The following ALG6 variants were observed in gnomAD, a reference collection of about 807,000 sequenced individuals.
The protein encoded by ALG6 is dolichyl pyrophosphate Man9GlcNAc2 alpha-1,3-glucosyltransferase.
In ALG6, 46 loss-of-function variants were observed where a neutral mutation model predicts 66.6. That is an observed-to-expected ratio of 0.69 (90% CI 0.55 to 0.88). ALG6 has a LOEUF of 0.88. ALG6 is among the 40% of genes least tolerant of loss of function. ALG6 has a pLI of 0.00. For synonymous variants in ALG6, 185 were observed against 203.7 expected (o/e 0.91, Z 0.78); for missense variants, 505 against 586.8 (o/e 0.86, Z 1.44).
At chr1:63,380,932 T>C (rs902141112) in intron 2 of ALG6, among the ~76,000 whole-genome samples, 6 of 152,232 alleles carry the variant, frequency 3.9e-5, no homozygotes, top group Non-Finnish European at 7.3e-5. Flanking sequence ...AATATTGTTA[T>C]TGCACATTAG....
At chr1:63,379,239 T>G (rs1337728266) in intron 2 of ALG6, among the ~76,000 whole-genome samples, 1 of 152,214 alleles carries the variant, frequency 6.6e-6, no homozygotes, top group East Asian at 1.9e-4. Flanking sequence ...ACATAGGGTT[T>G]ATGTTGCTTC....
intron 2 of ALG6, among the ~76,000 whole-genome samples, chr1:63,380,642 A>G (rs1202117469): frequency 6.6e-6 from 1 of 152,222 alleles, no homozygotes; most frequent in Admixed American, 6.5e-5. Flanking sequence ...AGGATAAAAT[A>G]CTACAAATTT....
chr1:63,411,657 T>C (rs1264441316), intron 8 of ALG6, among the ~76,000 whole-genome samples: 1 of 152,220 alleles, frequency 6.6e-6, no homozygotes, highest in Non-Finnish European at 1.5e-5. Context: ...TTTTTCTTCA[T>C]GAATGCACTC....
intron 10 of ALG6, 37 bp from the exon 11 acceptor site, chr1:63,415,836 A>G: frequency 7.1e-7 from 1 of 1,413,602 alleles, no homozygotes; most frequent in Non-Finnish European, 1.0e-6. Context: ...ATACCTCTAC[A>G]AAGAAGACAA....
intron 2 of ALG6, among the ~76,000 whole-genome samples, chr1:63,371,805 A>C: frequency 6.6e-6 from 1 of 152,066 alleles, no homozygotes; most frequent in East Asian, 1.9e-4. Flanking sequence ...GGGTTTCACC[A>C]TGCTGGCCAG....
intron 12 of ALG6, among the ~76,000 whole-genome samples, chr1:63,424,033 C>T (rs1483343781): frequency 2.0e-5 from 3 of 152,168 alleles, no homozygotes; most frequent in African/African-American, 2.4e-5. Flanking sequence ...GGTATCTCAT[C>T]GTGATTCTGA....
At chr1:63,383,480 A>G (rs1246598533) in intron 2 of ALG6, among the ~76,000 whole-genome samples, 4 of 152,016 alleles carry the variant, frequency 2.6e-5, no homozygotes, top group Admixed American at 2.6e-4. Context: ...CAGTGGTGCC[A>G]TCATGGTTCA....
At chr1:63,385,139 T>C (rs1648457167) in intron 2 of ALG6, among the ~76,000 whole-genome samples, 2 of 151,216 alleles carry the variant, frequency 1.3e-5, no homozygotes, top group South Asian at 4.2e-4. Context: ...TTTGAATTTC[T>C]TTCATCAGTG....
At chr1:63,382,650 TGTTTG>T (rs1557581368) in intron 2 of ALG6, among the ~76,000 whole-genome samples, 13 of 24,466 alleles carry the variant, frequency 5.3e-4, no homozygotes, top group African/African-American at 2.0e-3. Flanking sequence ...AGTTTTTTTT[TGTTTG>T]TTTTTTTTTG....
At chr1:63,396,784 T>C (rs1276368574) in intron 3 of ALG6, among the ~76,000 whole-genome samples, 187 bp downstream of exon 3, 1 of 152,190 alleles carries the variant, frequency 6.6e-6, no homozygotes, top group Non-Finnish European at 1.5e-5. Context: ...GAAAGTTAAT[T>C]CATATACTTA....
At chr1:63,423,939 A>G (rs1345132357) in intron 12 of ALG6, among the ~76,000 whole-genome samples, 1 of 152,218 alleles carries the variant, frequency 6.6e-6, no homozygotes, top group African/African-American at 2.4e-5. Context: ...CTAATAATAT[A>G]TGAAGGCTTC....
chr1:63,426,475 T>C (rs1396022228), intron 12 of ALG6, among the ~76,000 whole-genome samples: 2 of 152,168 alleles, frequency 1.3e-5, no homozygotes, highest in Non-Finnish European at 2.9e-5. Context: ...TGGTGATGAA[T>C]TGTAAGTACT....
At chr1:63,419,989 A>G (rs1313477028) in intron 12 of ALG6, among the ~76,000 whole-genome samples, 3 of 152,242 alleles carry the variant, frequency 2.0e-5, no homozygotes, top group Admixed American at 2.0e-4. Context: ...ATATTAAAAT[A>G]GTATTCACAT....
In ALG6 at chr1:63,370,894, C is replaced by T; in HGVS notation, c.-84C>T. 1.2e-6 allele frequency: 1 copy of T among 846,288 alleles called. No homozygotes were observed. Among genetic ancestry groups the T allele is most frequent in the Admixed American group, 1.7e-5 (1 of 58,480 alleles). The allele number at this position is 846,288 out of a possible 1,614,324, so 52.4% of individuals were successfully genotyped here. A position where few individuals can be genotyped will look rare whatever the true frequency, so the allele number is the denominator to read the frequency against. The stretch of plus-strand genomic sequence containing the variant: ...CAAGAAGTGATAACATTTCTCTGAA[C>T]AAGAAAAGAAGTGATTGACCACGTT... On this transcript the variant is annotated 5_prime_UTR_variant, in exon 2 of 15. Coordinates refer to ENST00000263440, the MANE Select transcript of ALG6 (RefSeq NM_013339.4).
chr1:63,406,476 G>A, intron 6 of ALG6, 77 bp downstream of exon 6: 1 of 1,258,998 alleles, frequency 7.9e-7, no homozygotes, highest in Non-Finnish European at 1.2e-6. Context: ...ATAGACCTTA[G>A]AGAAGCCATG....
intron 2 of ALG6, among the ~76,000 whole-genome samples, chr1:63,380,052 C>T (rs1193077860): frequency 2.0e-5 from 3 of 151,938 alleles, no homozygotes; most frequent in Non-Finnish European, 4.4e-5. Context: ...CAGATTTAAC[C>T]ACTAATCATC....
At chr1:63,413,105 A>C (rs1242816418) in intron 9 of ALG6, among the ~76,000 whole-genome samples, 2 of 152,128 alleles carry the variant, frequency 1.3e-5, no homozygotes, top group African/African-American at 4.8e-5. Context: ...ATTTTATTTG[A>C]TCTTTACAGT....
rs540053170 is a variant in ALG6 at position 63,417,883 on chromosome 1, C to T, written c.988-1487C>T. Among the ~76,000 whole-genome samples, 4 of 152,220 alleles carry T rather than the reference C, an allele frequency of 2.6e-5. No individual in the cohort carries two copies. The South Asian group carries it at 8.3e-4, about 32-fold the overall frequency. ...GGGCACGGTGGCTCACACCTGTAAT[C>T]CCAGCACTTTGGGAGGCCGAGGCAG... On this transcript the variant is annotated intron_variant, in intron 11 of 14. Transcript: ENST00000263440.
chr1:63,400,148 C>T (rs1272847124), intron 3 of ALG6, among the ~76,000 whole-genome samples: 3 of 139,058 alleles, frequency 2.2e-5, no homozygotes, highest in South Asian at 2.3e-4. Context: ...GAACCAAGAT[C>T]GCAACATTGC....
Sources: gnomAD v4.1 joint callset for allele counts (sites outside exome capture counted in the v4.1 genomes callset) on GRCh38, gnomAD v4.1.1 for gene constraint, MANE v1.5 for transcripts, NCBI Gene and HGNC (gene_info 2026-07-23, HGNC 2026-07-21) for gene names.